The following ADAMTS17 variants were observed in gnomAD, a reference collection of about 807,000 sequenced individuals.
ADAMTS17 encodes the protein ADAM metallopeptidase with thrombospondin type 1 motif 17.
Under a neutral mutation model 141.5 loss-of-function variants are expected in ADAMTS17, and 113 were observed. The observed-to-expected ratio is 0.80, with a 90% confidence interval of 0.69 to 0.93. The LOEUF is 0.93. ADAMTS17 is among the 40% of genes least tolerant of loss of function. ADAMTS17 has a pLI of 0.00. For synonymous variants in ADAMTS17, 768 were observed against 630.6 expected (o/e 1.22, Z -3.27); for missense variants, 1,659 against 1,517.9 (o/e 1.09, Z -1.54).
rs574528411 is a variant in ADAMTS17 at position 100,068,202 on chromosome 15, G to C, written c.2138-14148C>G. Among the ~76,000 whole-genome samples, 355 of 152,286 alleles carry C rather than the reference G, an allele frequency of 2.3e-3. 2 individuals are homozygous for C. Among genetic ancestry groups the C allele is most frequent in the African/African-American group, 8.2e-3 (339 of 41,574 alleles). On this transcript the variant is annotated intron_variant, in intron 15 of 21. Coordinates refer to ENST00000268070, the MANE Select transcript of ADAMTS17 (RefSeq NM_139057.4). ...AACTGCAAGGCGGCAGTGAGGCTGGGGGAGGGGCGCCCGCCATTGTCCAGG... is the reference window on the plus strand; with the variant it reads ...AACTGCAAGGCGGCAGTGAGGCTGGCGGAGGGGCGCCCGCCATTGTCCAGG...
In ADAMTS17 at chr15:100,146,999, C is replaced by T. The variant is rs558219214; in HGVS notation, c.1473+5613G>A. On this transcript the variant is annotated intron_variant, in intron 10 of 21. Transcript: ENST00000268070. ...TTCATTAGCCATTTTAATTTCACCC[C>T]GGTCCTGTGGTCCTGTGATCTCGCC... Among the ~76,000 whole-genome samples the T allele has an allele frequency of 6.6e-5, 10 of 152,262 alleles. 1 individual carries two copies. Among genetic ancestry groups the T allele is most frequent in the Admixed American group, 3.3e-4 (5 of 15,298 alleles).
chr15:100,132,974 A>T (rs950788306), intron 11 of ADAMTS17, among the ~76,000 whole-genome samples: 3 of 152,228 alleles, frequency 2.0e-5, no homozygotes, highest in Non-Finnish European at 4.4e-5. Context: ...TCCTTACATG[A>T]TGAAAGGAGT....
chr15:100,283,243 G>C (rs576244120), intron 3 of ADAMTS17, among the ~76,000 whole-genome samples: 4 of 152,230 alleles, frequency 2.6e-5, no homozygotes, highest in Admixed American at 2.0e-4. Flanking sequence ...GAAGCCTTCC[G>C]GGCCTCAGTG....
Position 100,341,927 on chromosome 15 carries a change from A to G in ADAMTS17, c.-28T>C. On this transcript the variant is annotated 5_prime_UTR_variant, in exon 1 of 22. Coordinates refer to ENST00000268070, the MANE Select transcript of ADAMTS17 (RefSeq NM_139057.4). ...TACCCGGGACCGGCAGCCCCCCCGG[A>G]CCGTGGCGGCGAAGCAGGAGCGCGC... is the stretch of plus-strand genomic sequence containing the variant. 1 of 1,548,178 alleles carries G rather than the reference A, an allele frequency of 6.5e-7. No homozygotes were observed. Among genetic ancestry groups the G allele is most frequent in the Non-Finnish European group, 8.7e-7 (1 of 1,146,100 alleles).
At chr15:100,321,903 T>C (rs2045744273) in intron 3 of ADAMTS17, among the ~76,000 whole-genome samples, 1 of 152,248 alleles carries the variant, frequency 6.6e-6, no homozygotes, top group African/African-American at 2.4e-5. Flanking sequence ...TTTGAGATTA[T>C]GTACTCTTTT....
intron 18 of ADAMTS17, among the ~76,000 whole-genome samples, chr15:100,028,339 G>A (rs2029865634): frequency 6.6e-6 from 1 of 152,130 alleles, no homozygotes. Flanking sequence ...GCATTCTTCG[G>A]ACCCGGCCAT....
intron 7 of ADAMTS17, among the ~76,000 whole-genome samples, chr15:100,212,964 A>G (rs1019474410): frequency 3.9e-5 from 6 of 152,126 alleles, no homozygotes; most frequent in Non-Finnish European, 8.8e-5. Flanking sequence ...TAAGCATCCA[A>G]TTTAAATTAG....
At chr15:100,127,680 C>G (rs911865343) in intron 12 of ADAMTS17, among the ~76,000 whole-genome samples, 2 of 152,210 alleles carry the variant, frequency 1.3e-5, no homozygotes, top group African/African-American at 2.4e-5. Flanking sequence ...CTCCCGGGTA[C>G]AAGCGATTCT....
chr15:100,169,264 T>A (rs1567295933), intron 8 of ADAMTS17, among the ~76,000 whole-genome samples: 1 of 152,158 alleles, frequency 6.6e-6, no homozygotes. Flanking sequence ...TAAGCACTTG[T>A]GTGTGCACAT....
rs1330352761 is a variant in ADAMTS17 at position 99,972,088 on chromosome 15, A to C, written c.*2314T>G. ...AACATGGTGAAACCCCGTCTCTAGT[A>C]AAAATACAAAAAAGTAGGTGGGCGT... On this transcript the variant is annotated 3_prime_UTR_variant, in exon 22 of 22. Transcript: ENST00000268070. 1 of 152,282 alleles carries C rather than the reference A, an allele frequency of 6.6e-6. No individual in the cohort carries two copies. The highest frequency in any genetic ancestry group is 2.4e-5 in the African/African-American group (1 of 41,410). 9.4% of individuals were successfully genotyped at this position (152,282 alleles called of 1,614,324 possible). A position where few individuals can be genotyped will look rare whatever the true frequency, so the allele number is the denominator to read the frequency against.
At chr15:100,137,120 T>C (rs187806832) in intron 10 of ADAMTS17, among the ~76,000 whole-genome samples, 9 of 152,304 alleles carry the variant, frequency 5.9e-5, no homozygotes, top group Admixed American at 3.9e-4. Flanking sequence ...GGACGACCCT[T>C]GGCCAACTAA....
At chr15:100,315,310 C>G (rs28591438) in intron 3 of ADAMTS17, among the ~76,000 whole-genome samples, 2,836 of 152,232 alleles carry the variant, frequency 0.019, 94 homozygotes, top group African/African-American at 0.065. Context: ...CCTCTTTTCT[C>G]TCCCCCCACC....
chr15:100,199,597 C>A (rs189543576), intron 7 of ADAMTS17, among the ~76,000 whole-genome samples, 174 bp from the exon 8 acceptor site: 2 of 152,124 alleles, frequency 1.3e-5, no homozygotes, highest in African/African-American at 4.8e-5. Context: ...TGTGTTCACC[C>A]AATAAAACAA....
Position 99,972,189 on chromosome 15 carries a change from T to C in ADAMTS17, c.*2213A>G, listed in dbSNP as rs2060223793. 1 of 152,020 alleles carries C rather than the reference T, an allele frequency of 6.6e-6. No homozygotes were observed. Among genetic ancestry groups the C allele is most frequent in the African/African-American group, 2.4e-5 (1 of 41,342 alleles). 9.4% of individuals were successfully genotyped at this position (152,020 alleles called of 1,614,324 possible). On this transcript the variant is annotated 3_prime_UTR_variant, in exon 22 of 22. Coordinates refer to ENST00000268070, the MANE Select transcript of ADAMTS17 (RefSeq NM_139057.4). ...TGGCCTGAACCCGGGAGGCGGAGCT[T>C]TCAATGAGCTGAGATCGCGCCACTG... is the stretch of plus-strand genomic sequence containing the variant.
intron 18 of ADAMTS17, among the ~76,000 whole-genome samples, chr15:100,009,159 C>T (rs531257493): frequency 1.5e-4 from 23 of 152,158 alleles, no homozygotes; most frequent in African/African-American, 4.6e-4. Context: ...CTTTTCTACC[C>T]GCTGTCTCAT....
intron 7 of ADAMTS17, among the ~76,000 whole-genome samples, chr15:100,220,286 G>A (rs1159019447): frequency 6.6e-6 from 1 of 152,162 alleles, no homozygotes; most frequent in African/African-American, 2.4e-5. Context: ...CGCCTCCTGT[G>A]TCTTTTTTGT....
intron 18 of ADAMTS17, among the ~76,000 whole-genome samples, chr15:100,036,087 C>T (rs751713547): frequency 3.3e-5 from 5 of 152,168 alleles, no homozygotes; most frequent in Non-Finnish European, 7.3e-5. Context: ...TTCTATGAGG[C>T]TGCAAAGATG....
chr15:100,015,960 T>C (rs2061280820), intron 18 of ADAMTS17, among the ~76,000 whole-genome samples: 1 of 152,198 alleles, frequency 6.6e-6, no homozygotes, highest in South Asian at 2.1e-4. Flanking sequence ...CTCAAATATA[T>C]TTTCCAAACT....
intron 18 of ADAMTS17, among the ~76,000 whole-genome samples, chr15:100,047,348 G>A: frequency 7.5e-6 from 1 of 132,636 alleles, no homozygotes; most frequent in South Asian, 2.3e-4. Context: ...ACCTTGTGAA[G>A]TACGTGATCT....
Sources: allele counts gnomAD v4.1 joint callset (sites outside exome capture counted in the v4.1 genomes callset), GRCh38; gene constraint gnomAD v4.1.1; transcripts MANE v1.5; gene names NCBI Gene and HGNC (gene_info 2026-07-23, HGNC 2026-07-21).